The following STAT5B variants were observed in gnomAD, a reference collection of about 807,000 sequenced individuals.
STAT5B encodes signal transducer and activator of transcription 5B.
A neutral mutation model predicts 107.8 loss-of-function variants in STAT5B; 21 were observed. That is an observed-to-expected ratio of 0.19 (90% CI 0.14 to 0.28). STAT5B has a LOEUF of 0.28. Among genes scored for constraint, STAT5B ranks in the 10% least tolerant of loss-of-function variants. The pLI is 1.00. For missense variants in STAT5B, 565 were observed against 1,008.2 expected (o/e 0.56, Z 5.95); for synonymous variants, 325 against 401.7 (o/e 0.81, Z 2.28).
At position 42,201,091 on chromosome 17, in the gene STAT5B, T is replaced by C; in HGVS notation, c.*647A>G. On this transcript the variant is annotated 3_prime_UTR_variant, in exon 19 of 19. Transcript: ENST00000293328. ...AGAATAAGATGAGCTAAATGTTTTG[T>C]GAAAAGCCACCGCCCATCCGAAAGC... is the stretch of plus-strand genomic sequence containing the variant. 1 of 403,570 alleles carries C rather than the reference T, an allele frequency of 2.5e-6. No homozygotes were observed. Among genetic ancestry groups the C allele is most frequent in the South Asian group, 1.2e-4 (1 of 8,388 alleles). 25.0% of individuals were successfully genotyped at this position (403,570 alleles called of 1,614,324 possible).
chr17:42,286,254 A>AC, the STAT5B span, among the ~76,000 whole-genome samples: 1 of 151,482 alleles, frequency 6.6e-6, no homozygotes, highest in African/African-American at 2.4e-5. Context: ...AAAAAAAAAA[A>AC]ACCCAGAAGG....
intron 1 of STAT5B, among the ~76,000 whole-genome samples, chr17:42,244,991 G>A (rs1420091150): frequency 6.9e-6 from 1 of 145,912 alleles, no homozygotes; most frequent in Non-Finnish European, 1.5e-5. Context: ...AACCCCCACC[G>A]CTCGTGTTCA....
intron 1 of STAT5B, 30 bp from the exon 2 acceptor site, chr17:42,232,167 G>GT (rs780188398): frequency 1.2e-6 from 2 of 1,604,440 alleles, no homozygotes; most frequent in African/African-American, 1.3e-5. Flanking sequence ...TGCTTTGGGC[G>GT]TTTTTTCTTT....
chr17:42,218,393 C>A (rs946819826), intron 8 of STAT5B, 63 bp from the exon 9 acceptor site: 33 of 1,580,328 alleles, frequency 2.1e-5, no homozygotes, highest in African/African-American at 1.3e-4. Context: ...GGCTCTCAGT[C>A]CCTCTGTGGT....
chr17:42,249,155 G>T (rs2080476950), intron 1 of STAT5B, among the ~76,000 whole-genome samples: 1 of 152,332 alleles, frequency 6.6e-6, no homozygotes, highest in South Asian at 2.1e-4. Flanking sequence ...ACTTTGGGAG[G>T]CCAAGGCCAG....
intron 3 of STAT5B, among the ~76,000 whole-genome samples, chr17:42,226,893 G>C (rs1430083780): frequency 6.6e-6 from 1 of 150,834 alleles, no homozygotes; most frequent in African/African-American, 2.4e-5. Context: ...GGGAGGCTGA[G>C]GTGGGCGGAT....
intron 1 of STAT5B, among the ~76,000 whole-genome samples, chr17:42,264,165 G>A (rs183314697): frequency 4.6e-5 from 7 of 151,184 alleles, no homozygotes; most frequent in Admixed American, 3.9e-4. Flanking sequence ...CCAATTTATT[G>A]CTATTTTAAG....
At chr17:42,212,323 G>A in intron 12 of STAT5B, 133 bp from the exon 13 acceptor site, 1 of 1,434,424 alleles carries the variant, frequency 7.0e-7, no homozygotes, top group Non-Finnish European at 9.6e-7. Flanking sequence ...GATAAATTCA[G>A]ACTCTGCTGG....
rs2080048374 is a variant in STAT5B, at chr17:42,202,010, C to T, written c.2238-146G>A. The T allele has an allele frequency of 1.3e-5, 10 of 764,016 alleles. No homozygotes were observed. The East Asian group carries it at 2.4e-4, about 18-fold the overall frequency. 47.3% of individuals were successfully genotyped at this position (764,016 alleles called of 1,614,324 possible). A position where few individuals can be genotyped will look rare whatever the true frequency, so the allele number is the denominator to read the frequency against. On this transcript the variant is annotated intron_variant, in intron 18 of 18. Coordinates refer to ENST00000293328, the MANE Select transcript of STAT5B (RefSeq NM_012448.4). The stretch of plus-strand genomic sequence containing the variant: ...GGGAAAAGAACAACCATTCAAACAG[C>T]TGGCTGTACAGCAACTCAGACTGAA...
chr17:42,246,358 G>C (rs772149736), intron 1 of STAT5B, among the ~76,000 whole-genome samples: 3 of 151,954 alleles, frequency 2.0e-5, no homozygotes, highest in Non-Finnish European at 4.4e-5. Context: ...TTAATTTTAA[G>C]TAGAACATTC....
intron 1 of STAT5B, among the ~76,000 whole-genome samples, chr17:42,261,222 T>C (rs928166854): frequency 7.9e-5 from 12 of 152,114 alleles, no homozygotes; most frequent in African/African-American, 2.7e-4. Context: ...AACATAATTT[T>C]GAATTAAACG....
chr17:42,250,258 G>A (rs997818756), intron 1 of STAT5B, among the ~76,000 whole-genome samples: 1 of 152,138 alleles, frequency 6.6e-6, no homozygotes, highest in Admixed American at 6.5e-5. Context: ...ACAAGCTCTT[G>A]TTCTAAAATG....
At chr17:42,277,389 G>A (rs1191298617), upstream of STAT5B, among the ~76,000 whole-genome samples, 1 of 152,142 alleles carries the variant, frequency 6.6e-6, no homozygotes, top group Non-Finnish European at 1.5e-5. Context: ...TATGCAAAAC[G>A]TTCATGTCCA....
At chr17:42,277,980 A>T (rs2080778206), upstream of STAT5B, among the ~76,000 whole-genome samples, 1 of 151,190 alleles carries the variant, frequency 6.6e-6, no homozygotes, top group African/African-American at 2.4e-5. Context: ...CTGGTCTCGA[A>T]CTCCTGACCT....
intron 1 of STAT5B, chr17:42,270,488 G>A (rs943440501): frequency 2.0e-5 from 3 of 152,066 alleles, no homozygotes; most frequent in African/African-American, 7.2e-5. Flanking sequence ...GGTAATGCTA[G>A]GGGAAGAAGA....
intron 1 of STAT5B, among the ~76,000 whole-genome samples, chr17:42,246,380 G>A (rs556117610): frequency 3.3e-5 from 5 of 152,044 alleles, no homozygotes; most frequent in Non-Finnish European, 5.9e-5. Context: ...GAATTATAAA[G>A]TAAAAATTCA....
chr17:42,207,517 ACACACAC>A lies in STAT5B; in HGVS notation c.2077+34_2077+40del, dbSNP rs755986685. On this transcript the variant is annotated intron_variant, in intron 16 of 18. Transcript: ENST00000293328. ...CACACACACACACACACACACACAC[ACACACAC>A]AACAAAATCAAATCAGAATGCGAAC... The A allele has an allele frequency of 7.3e-4, 1,168 of 1,603,988 alleles. 12 individuals are homozygous for A. The African/African-American group carries it at 0.013, about 18-fold the overall frequency.
chr17:42,202,634 T>C (rs1420410744), intron 17 of STAT5B, 123 bp downstream of exon 17: 9 of 1,554,138 alleles, frequency 5.8e-6, no homozygotes, highest in East Asian at 4.5e-5. Context: ...GCCCAGGTCC[T>C]TCCCCAGGGC....
rs553294643 is a variant in STAT5B at position 42,236,476 on chromosome 17, C to G, written c.-10-4339G>C. 4.6e-5 allele frequency among the ~76,000 whole-genome samples: 7 copies of G among 152,344 alleles called. No individual in the cohort carries two copies. In the South Asian group the frequency reaches 8.3e-4, roughly 18 times the overall value. ...TTGTTTTTTGAGACGGAGTCTCACT[C>G]TGTCGCCTAGGCTGGAGTGCAGTGG... On this transcript the variant is annotated intron_variant, in intron 1 of 18. Transcript: ENST00000293328.
Sources: gnomAD v4.1 joint callset for allele counts (sites outside exome capture counted in the v4.1 genomes callset) on GRCh38, gnomAD v4.1.1 for gene constraint, MANE v1.5 for transcripts, NCBI Gene and HGNC (gene_info 2026-07-23, HGNC 2026-07-21) for gene names.